The following RNF169 variants were observed in gnomAD, a reference collection of about 807,000 sequenced individuals.
The protein encoded by RNF169 is ring finger protein 169.
Under a neutral mutation model 53.9 loss-of-function variants are expected in RNF169, and 24 were observed. The observed-to-expected ratio is 0.45, with a 90% confidence interval of 0.32 to 0.63. RNF169 has a LOEUF of 0.63. Among genes scored for constraint, RNF169 ranks in the 20% least tolerant of loss-of-function variants. The probability of loss-of-function intolerance (pLI) is 0.04; values close to 1 mark genes in which losing one functional copy is unlikely to be tolerated. For missense variants in RNF169, 883 were observed against 906.2 expected (o/e 0.97, Z 0.33); for synonymous variants, 396 against 363.5 (o/e 1.09, Z -1.02).
chr11:74,773,400 A>G (rs1031792501), intron 1 of RNF169, among the ~76,000 whole-genome samples: 2 of 152,176 alleles, frequency 1.3e-5, no homozygotes, highest in Admixed American at 6.5e-5. Flanking sequence ...ATATGTGTTT[A>G]TCAGCTTAGA....
At chr11:74,824,872 T>G (rs1489576467) in intron 4 of RNF169, among the ~76,000 whole-genome samples, 2 of 152,228 alleles carry the variant, frequency 1.3e-5, no homozygotes. Flanking sequence ...TTATCAGCAA[T>G]TACATTAAAT....
At chr11:74,780,988 C>A (rs951410070) in intron 1 of RNF169, among the ~76,000 whole-genome samples, 1 of 152,254 alleles carries the variant, frequency 6.6e-6, no homozygotes, top group Non-Finnish European at 1.5e-5. Context: ...TCTCCACCTA[C>A]TTCCCCGCTA....
At chr11:74,835,456 T>C in intron 5 of RNF169, 90 bp from the exon 6 acceptor site, 1 of 980,482 alleles carries the variant, frequency 1.0e-6, no homozygotes, top group Non-Finnish European at 1.6e-6. Context: ...TGTCCTCCCC[T>C]TCCCTGTGCC....
intron 2 of RNF169, among the ~76,000 whole-genome samples, chr11:74,795,068 A>G (rs73492727): frequency 0.041 from 6,275 of 152,052 alleles, 134 homozygotes; most frequent in African/African-American, 0.058. Flanking sequence ...TTCCTCCCAA[A>G]GTGTCAGGAT....
chr11:74,765,663 G>A (rs1426708350), intron 1 of RNF169, among the ~76,000 whole-genome samples: 1 of 151,976 alleles, frequency 6.6e-6, no homozygotes, highest in Non-Finnish European at 1.5e-5. Context: ...TTAGCCAAGT[G>A]TGGTGGTGGG....
At chr11:74,779,828 A>G (rs957063409) in intron 1 of RNF169, among the ~76,000 whole-genome samples, 5 of 152,022 alleles carry the variant, frequency 3.3e-5, no homozygotes, top group Non-Finnish European at 7.4e-5. Context: ...GGTTTAGTGG[A>G]TGGTATCAGC....
intron 1 of RNF169, among the ~76,000 whole-genome samples, chr11:74,771,737 G>T (rs1451875793): frequency 1.3e-5 from 2 of 152,038 alleles, no homozygotes; most frequent in East Asian, 3.9e-4. Flanking sequence ...TTACCTCCAG[G>T]CTGTGTATAT....
chr11:74,750,453 G>A (rs951761964), intron 1 of RNF169, among the ~76,000 whole-genome samples: 9 of 152,080 alleles, frequency 5.9e-5, no homozygotes, highest in African/African-American at 2.2e-4. Flanking sequence ...AGAAACCACA[G>A]GTTCTAGAAT....
At chr11:74,785,251 TTAGA>T (rs1334798406) in intron 1 of RNF169, among the ~76,000 whole-genome samples, 9 of 78,780 alleles carry the variant, frequency 1.1e-4, no homozygotes, top group South Asian at 3.6e-4. Context: ...GTTATATATG[TTAGA>T]TATATATGTT....
chr11:74,841,095 T>C lies in RNF169; in HGVS notation c.*4365T>C, dbSNP rs560822057. 3 of 152,270 alleles carry C rather than the reference T, an allele frequency of 2.0e-5. No homozygotes were observed. Among genetic ancestry groups the C allele is most frequent in the Non-Finnish European group, 4.4e-5 (3 of 68,030 alleles). The allele number at this position is 152,270 out of a possible 1,614,324, so 9.4% of individuals were successfully genotyped here. ...AATCTTGGAAAGTGATATATTTTGATTGGAATAATTTTAATTAAATTTAAT... is the reference window on the plus strand; with the variant it reads ...AATCTTGGAAAGTGATATATTTTGACTGGAATAATTTTAATTAAATTTAAT... On this transcript the variant is annotated 3_prime_UTR_variant, in exon 6 of 6. Transcript: ENST00000299563.
At position 74,837,074 on chromosome 11, in the gene RNF169, T is replaced by C; in HGVS notation, c.*344T>C. On this transcript the variant is annotated 3_prime_UTR_variant, in exon 6 of 6. Transcript: ENST00000299563. ...AAACTGATAGACTTCCTGACTTCTTTCAGCAGGGTATTGTTTTAAATCAGC... is the reference window on the plus strand; with the variant it reads ...AAACTGATAGACTTCCTGACTTCTTCCAGCAGGGTATTGTTTTAAATCAGC... 1 of 183,018 alleles carries C rather than the reference T, an allele frequency of 5.5e-6. No homozygotes were observed. The highest frequency in any genetic ancestry group is 5.6e-5 in the Admixed American group (1 of 17,704). The allele number at this position is 183,018 out of a possible 1,614,324, so 11.3% of individuals were successfully genotyped here.
At position 74,837,245 on chromosome 11, in the gene RNF169, A is replaced by C. The variant is rs933462646; in HGVS notation, c.*515A>C. On this transcript the variant is annotated 3_prime_UTR_variant, in exon 6 of 6. Coordinates refer to ENST00000299563, the MANE Select transcript of RNF169 (RefSeq NM_001098638.2). The stretch of plus-strand genomic sequence containing the variant: ...ATATATCAGTTAAGATTATGCCTTT[A>C]CAAAAGTTAATTTACATTCTCTGTT... The C allele has an allele frequency of 3.3e-5, 5 of 153,076 alleles. No homozygotes were observed. Among genetic ancestry groups the C allele is most frequent in the African/African-American group, 1.2e-4 (5 of 41,478 alleles). 9.5% of individuals were successfully genotyped at this position (153,076 alleles called of 1,614,324 possible).
intron 1 of RNF169, among the ~76,000 whole-genome samples, chr11:74,764,375 T>C (rs1387775204): frequency 6.6e-6 from 1 of 151,972 alleles, no homozygotes; most frequent in Non-Finnish European, 1.5e-5. Context: ...CTCTACTAAA[T>C]ACAAAAAATT....
chr11:74,821,740 G>C (rs1382639751), intron 4 of RNF169, among the ~76,000 whole-genome samples: 5 of 151,432 alleles, frequency 3.3e-5, no homozygotes, highest in African/African-American at 1.2e-4. Flanking sequence ...TACATGAGTA[G>C]TTCCTTAGGG....
At position 74,829,789 on chromosome 11, in the gene RNF169, A is replaced by G. The variant is rs192966153; in HGVS notation, c.843-4887A>G. Among the ~76,000 whole-genome samples, 4 of 152,276 alleles carry G rather than the reference A, an allele frequency of 2.6e-5. No homozygotes were observed. In the East Asian group the frequency reaches 7.7e-4, roughly 29 times the overall value. ...ATTCTCATTTATAAAGTGGGAGCCG[A>G]ATGATGAGAACTCATGGACACATGT... On this transcript the variant is annotated intron_variant, in intron 4 of 5. Transcript: ENST00000299563.
intron 1 of RNF169, among the ~76,000 whole-genome samples, chr11:74,758,709 T>G (rs1329749319): frequency 2.0e-5 from 3 of 152,146 alleles, no homozygotes; most frequent in South Asian, 2.1e-4. Context: ...TTTCACTGTT[T>G]TAGCGGGGAT....
At chr11:74,800,477 G>A (rs1468514707) in intron 2 of RNF169, among the ~76,000 whole-genome samples, 1 of 152,112 alleles carries the variant, frequency 6.6e-6, no homozygotes, top group Non-Finnish European at 1.5e-5. Flanking sequence ...GTGTGAATTT[G>A]GGCGAGCTAT....
chr11:74,770,207 A>G (rs2035239659), intron 1 of RNF169, among the ~76,000 whole-genome samples: 1 of 152,272 alleles, frequency 6.6e-6, no homozygotes, highest in Non-Finnish European at 1.5e-5. Context: ...ATTTGAGTTC[A>G]GGGTACTCTT....
intron 1 of RNF169, among the ~76,000 whole-genome samples, chr11:74,750,146 C>T (rs1199278291): frequency 6.6e-6 from 1 of 152,130 alleles, no homozygotes; most frequent in African/African-American, 2.4e-5. Context: ...AGGACTCTTG[C>T]CTTGAACTTC....
Sources: allele counts gnomAD v4.1 joint callset (sites outside exome capture counted in the v4.1 genomes callset), GRCh38; gene constraint gnomAD v4.1.1; transcripts MANE v1.5; gene names NCBI Gene and HGNC (gene_info 2026-07-23, HGNC 2026-07-21).